The following RUNX3 variants were observed in gnomAD, a reference collection of about 807,000 sequenced individuals.
RUNX3 encodes the protein runt-related transcription factor 3.
Under a neutral mutation model 27.7 loss-of-function variants are expected in RUNX3, and 10 were observed. That is an observed-to-expected ratio of 0.36 (90% CI 0.22 to 0.61). The LOEUF is 0.61. Among genes scored for constraint, RUNX3 ranks in the 20% least tolerant of loss-of-function variants. RUNX3 has a pLI of 0.72. For missense variants in RUNX3, 469 were observed against 629.5 expected, an observed-to-expected ratio of 0.75 and a Z score of 2.73; for synonymous variants, 270 against 269.2, an observed-to-expected ratio of 1.00 and a Z score of -0.03.
chr1:24,919,221 G>C lies in RUNX3; in HGVS notation c.544+19C>G, dbSNP rs752982655. ...CCTCCTCCCCCGCGCAGGGGCTCAG[G>C]GGGCTCGGTGGCACTTACGTCTGGG... On this transcript the variant is annotated intron_variant, in intron 3 of 4. Coordinates refer to ENST00000308873, the MANE Select transcript of RUNX3 (RefSeq NM_004350.3). 6.5e-7 allele frequency: 1 copy of C among 1,534,134 alleles called. No homozygotes were observed. The highest frequency in any genetic ancestry group is 8.9e-7 in the Non-Finnish European group (1 of 1,120,716).
intron 2 of RUNX3, chr1:24,964,419 G>T: frequency 1.0e-6 from 1 of 980,892 alleles, no homozygotes; most frequent in Non-Finnish European, 1.6e-6. Context: ...CGGACAGGCT[G>T]TGCGCTTGAG....
At position 24,900,104 on chromosome 1, in the gene RUNX3, A is replaced by C. The variant is rs1476410514; in HGVS notation, c.*2018T>G. On this transcript the variant is annotated 3_prime_UTR_variant, in exon 5 of 5. Transcript: ENST00000308873. ...CTGACCTGGGACCAGCTATAACCAGAGAACAGGAGGGAAGAAACTACAAGG... is the reference window on the plus strand; with the variant it reads ...CTGACCTGGGACCAGCTATAACCAGCGAACAGGAGGGAAGAAACTACAAGG... 6.6e-6 allele frequency: 1 copy of C among 152,310 alleles called. No individual in the cohort carries two copies. Among genetic ancestry groups the C allele is most frequent in the Admixed American group, 6.5e-5 (1 of 15,288 alleles). The allele number at this position is 152,310 out of a possible 1,614,324, so 9.4% of individuals were successfully genotyped here. A position where few individuals can be genotyped will look rare whatever the true frequency, so the allele number is the denominator to read the frequency against.
At chr1:24,938,562 G>A (rs1415891426) in intron 2 of RUNX3, among the ~76,000 whole-genome samples, 1 of 152,176 alleles carries the variant, frequency 6.6e-6, no homozygotes, top group African/African-American at 2.4e-5. Context: ...TCAGTGTCCA[G>A]GCCTGGAAAT....
intron 3 of RUNX3, among the ~76,000 whole-genome samples, chr1:24,915,880 T>C (rs1423958771): frequency 6.6e-6 from 1 of 152,164 alleles, no homozygotes; most frequent in Non-Finnish European, 1.5e-5. Flanking sequence ...GCTGGGATCC[T>C]GGACCTGGCT....
At chr1:24,947,481 C>A (rs1475431279) in intron 2 of RUNX3, among the ~76,000 whole-genome samples, 2 of 152,100 alleles carry the variant, frequency 1.3e-5, no homozygotes, top group Non-Finnish European at 2.9e-5. Context: ...AGAGAGAGAA[C>A]CCTGCCAGAT....
chr1:24,905,332 C>T (rs1011109492), intron 4 of RUNX3, among the ~76,000 whole-genome samples: 7 of 152,218 alleles, frequency 4.6e-5, no homozygotes, highest in African/African-American at 1.7e-4. Flanking sequence ...CAGCCAATGC[C>T]TGGCAGAGCC....
At chr1:24,961,565 G>A (rs941170557) in intron 2 of RUNX3, 3 of 152,226 alleles carry the variant, frequency 2.0e-5, no homozygotes, top group African/African-American at 7.2e-5. Flanking sequence ...AGGCGGCAGA[G>A]GCAGGTAGGG....
chr1:24,919,319 A>C lies in RUNX3; in HGVS notation c.465T>G (p.Thr155=), dbSNP rs778259367. The C allele has an allele frequency of 1.9e-6, 3 of 1,610,464 alleles. No individual in the cohort carries two copies. Among genetic ancestry groups the C allele is most frequent in the Non-Finnish European group, 2.5e-6 (3 of 1,178,348 alleles). ...CCACTTGGGTGGGGTTGGTGAACAC[A>C]GTGATGGTCAGGGTGAAACTCTTCC... ...GRGKSFTLTI[T]VFTNPTQVAT... is the part of the protein sequence containing the mutation. The change falls in exon 3 of 5, where the codon ACT becomes ACG. Residue 155 remains threonine, a synonymous_variant. Transcript: ENST00000308873.
intron 2 of RUNX3, among the ~76,000 whole-genome samples, chr1:24,922,099 C>T (rs571198186): frequency 9.9e-5 from 15 of 152,080 alleles, no homozygotes; most frequent in Non-Finnish European, 1.3e-4. Context: ...AACAGGTGAG[C>T]GCCACCATGC....
rs1403484240 is a variant in RUNX3 at position 24,902,900 on chromosome 1, C to G, written c.704-234G>C. Among the ~76,000 whole-genome samples, 1 of 128,926 alleles carries G rather than the reference C, an allele frequency of 7.8e-6. No homozygotes were observed. The highest frequency in any genetic ancestry group is 7.5e-5 in the Admixed American group (1 of 13,376). 84.6% of individuals were successfully genotyped at this position (128,926 alleles called of 152,430 possible). The stretch of plus-strand genomic sequence containing the variant: ...CCCGGGCCAAGAGGGGCCATGGGAG[C>G]CCCCCCACAGCAGCAACAGAACAGA... On this transcript the variant is annotated intron_variant, in intron 4 of 4. Coordinates refer to ENST00000308873, the MANE Select transcript of RUNX3 (RefSeq NM_004350.3). This position sits in a 1 kb window ranked among gnomAD's most constrained non-coding sequence, Gnocchi z 9.2.
At chr1:24,952,194 T>A (rs1641784060) in intron 2 of RUNX3, among the ~76,000 whole-genome samples, 1 of 152,206 alleles carries the variant, frequency 6.6e-6, no homozygotes, top group Admixed American at 6.5e-5. Flanking sequence ...CTCAATACAA[T>A]TTCCTAGGTC....
chr1:24,938,964 G>C (rs1334487388), intron 2 of RUNX3, among the ~76,000 whole-genome samples: 1 of 152,174 alleles, frequency 6.6e-6, no homozygotes, highest in Non-Finnish European at 1.5e-5. Context: ...CAGCGACACA[G>C]AGTGAACTAA....
intron 2 of RUNX3, among the ~76,000 whole-genome samples, chr1:24,926,575 T>C (rs1344255799): frequency 6.6e-6 from 1 of 152,098 alleles, no homozygotes; most frequent in Non-Finnish European, 1.5e-5. Flanking sequence ...AAGGAAAAAA[T>C]GGTGCCCAGA....
rs557226444 is a variant in RUNX3 at position 24,962,691 on chromosome 1, T to G, written c.58+1823A>C. Among the ~76,000 whole-genome samples, 3 of 152,202 alleles carry G rather than the reference T, an allele frequency of 2.0e-5. No individual in the cohort carries two copies. The highest frequency in any genetic ancestry group is 2.9e-5 in the Non-Finnish European group (2 of 68,032). ...TATGAGGCGCCTTCTGTGCCACTGC[T>G]GGCCAGGATCAGCCCGCTCTGCCCA... On this transcript the variant is annotated intron_variant, in intron 2 of 6. Transcript: ENST00000338888. This position sits in a 1 kb window ranked among gnomAD's most constrained non-coding sequence, Gnocchi z 4.5.
intron 3 of RUNX3, among the ~76,000 whole-genome samples, chr1:24,914,393 G>T (rs1640847961): frequency 6.6e-6 from 1 of 152,198 alleles, no homozygotes; most frequent in South Asian, 2.1e-4. Flanking sequence ...GGCCGGCTCT[G>T]CGGCCTGTCA....
chr1:24,928,776 A>G (rs1204284164), intron 1 of RUNX3: 2 of 264,744 alleles, frequency 7.6e-6, no homozygotes, highest in Non-Finnish European at 1.5e-5. Flanking sequence ...TTTCCCATTT[A>G]GAGTCGTCTT....
At position 24,929,002 on chromosome 1, in the gene RUNX3, G is replaced by A. The variant is rs765088869; in HGVS notation, c.282+585C>T. ...AGAAAAAGGTCCTCTAAATGGCTGG[G>A]GGCTGCCAGGGTTAGGGGTCCCCCA... is the stretch of plus-strand genomic sequence containing the variant. On this transcript the variant is annotated intron_variant, in intron 1 of 4. Transcript: ENST00000308873. 4 of 456,576 alleles carry A rather than the reference G, an allele frequency of 8.8e-6. No individual in the cohort carries two copies. In the East Asian group the frequency reaches 2.1e-4, roughly 24 times the overall value. 28.3% of individuals were successfully genotyped at this position (456,576 alleles called of 1,614,324 possible).
intron 2 of RUNX3, among the ~76,000 whole-genome samples, chr1:24,939,682 G>T (rs1014900536): frequency 5.3e-5 from 8 of 152,252 alleles, no homozygotes; most frequent in Non-Finnish European, 1.2e-4. Flanking sequence ...GGACTTTCTG[G>T]GTGGTTTGCC....
intron 2 of RUNX3, among the ~76,000 whole-genome samples, chr1:24,937,644 T>C (rs1641379397): frequency 6.6e-6 from 1 of 152,232 alleles, no homozygotes; most frequent in African/African-American, 2.4e-5. Context: ...CTGCATTATT[T>C]CATCTTCACC....
Sources: allele counts gnomAD v4.1 joint callset (sites outside exome capture counted in the v4.1 genomes callset), GRCh38; gene constraint gnomAD v4.1.1; non-coding constraint Gnocchi (gnomAD v3.1); transcripts MANE v1.5; gene names NCBI Gene and HGNC (gene_info 2026-07-23, HGNC 2026-07-21).